The following TET1 variants were observed in gnomAD, a reference collection of about 807,000 sequenced individuals.
TET1 encodes the protein methylcytosine dioxygenase TET1.
TET1 carries 13 observed loss-of-function variants against 148.7 expected under a neutral mutation model. The ratio of observed to expected loss-of-function variants is 0.09; its 90% CI spans 0.06 to 0.14. TET1 has a LOEUF of 0.14. TET1 is among the 10% of genes least tolerant of loss of function. The probability of loss-of-function intolerance (pLI) is 1.00; values close to 1 mark genes in which losing one functional copy is unlikely to be tolerated. For missense variants in TET1, 2,182 were observed against 2,553.8 expected (o/e 0.85, Z 3.14); for synonymous variants, 907 against 937.2 (o/e 0.97, Z 0.59).
At chr10:68,571,973 C>T (rs938723169) in intron 1 of TET1, among the ~76,000 whole-genome samples, 36 of 151,978 alleles carry the variant, frequency 2.4e-4, no homozygotes, top group African/African-American at 8.2e-4. Context: ...AAAAATTAGC[C>T]AGGTGTGATG....
chr10:68,612,670 G>A (rs998862836), intron 3 of TET1, among the ~76,000 whole-genome samples: 3 of 152,162 alleles, frequency 2.0e-5, no homozygotes, highest in Admixed American at 6.5e-5. Flanking sequence ...CCAGGCCGTA[G>A]TGCAGTGGCA....
At chr10:68,578,320 G>A (rs1169331894) in intron 2 of TET1, among the ~76,000 whole-genome samples, 2 of 152,176 alleles carry the variant, frequency 1.3e-5, no homozygotes, top group African/African-American at 4.8e-5. Flanking sequence ...GTGCAGTGGC[G>A]TGATCTCAGC....
At chr10:68,609,880 G>A (rs943057531) in intron 3 of TET1, among the ~76,000 whole-genome samples, 2 of 152,000 alleles carry the variant, frequency 1.3e-5, no homozygotes, top group African/African-American at 4.8e-5. Context: ...GGGCACAGTG[G>A]CTCATACCTG....
At chr10:68,680,628 G>A (rs950433302) in intron 8 of TET1, among the ~76,000 whole-genome samples, 12 of 152,208 alleles carry the variant, frequency 7.9e-5, no homozygotes, top group Non-Finnish European at 1.6e-4. Context: ...GATTACAGGC[G>A]TTAGCCACCA....
intron 7 of TET1, among the ~76,000 whole-genome samples, chr10:68,668,107 A>G (rs1167999287): frequency 6.6e-6 from 1 of 152,224 alleles, no homozygotes; most frequent in East Asian, 1.9e-4. Flanking sequence ...CCTGTTAAAT[A>G]ACCTAGCCCA....
Position 68,651,913 on chromosome 10 carries a change from T to C in TET1, c.4344T>C (p.Ala1448=). 3 of 1,614,018 alleles carry C rather than the reference T, an allele frequency of 1.9e-6. No homozygotes were observed. The East Asian group carries it at 6.7e-5, about 36-fold the overall frequency. ...TTGGGGCAGGACCAAGTGTTGCTGC[T>C]GTCAGGGAAATCATGGAGAATAGGT... The part of the protein sequence containing the change: ...THLGAGPSVA[A]VREIMENRYG... Residue 1448 remains alanine (A), a synonymous_variant, in exon 5 of 12, where the codon GCT becomes GCC. Coordinates refer to ENST00000373644, the MANE Select transcript of TET1 (RefSeq NM_030625.3).
intron 3 of TET1, among the ~76,000 whole-genome samples, chr10:68,611,223 G>A (rs1473691405): frequency 7.9e-5 from 12 of 152,094 alleles, no homozygotes; most frequent in African/African-American, 2.7e-4. Flanking sequence ...CTCAGGAGGC[G>A]GAGGTTGCAG....
intron 2 of TET1, among the ~76,000 whole-genome samples, chr10:68,590,678 A>G (rs1184308498): frequency 6.6e-6 from 1 of 151,808 alleles, no homozygotes; most frequent in Non-Finnish European, 1.5e-5. Flanking sequence ...CATAAAAACA[A>G]TTGGAGGCTG....
At position 68,644,963 on chromosome 10, in the gene TET1, G is replaced by A. The variant is rs369109149; in HGVS notation, c.2234G>A (p.Arg745Gln). The A allele has an allele frequency of 1.4e-5, 22 of 1,613,216 alleles. No individual in the cohort carries two copies. The highest frequency in any genetic ancestry group is 1.1e-4 in the African/African-American group (8 of 74,858). The change falls in exon 4 of 12, where the codon CGA becomes CAA. Residue 745 changes from arginine to glutamine, a missense_variant. Arg to Gln is a conservative substitution (Grantham distance 43). Around this residue, in one of 11 missense-constraint regions of TET1, gnomAD observed 226 missense variants for 307.4 expected, o/e 0.74. Coordinates refer to ENST00000373644, the MANE Select transcript of TET1 (RefSeq NM_030625.3). ...AAAAACTCTGAAGTTGACAAGAAAC[G>A]AACCAAATCTCCAAAATTGTTTGTA... Reference protein sequence around the residue: ...KSKNSEVDKKRTKSPKLFVQT... With the variant: ...KSKNSEVDKKQTKSPKLFVQT...
At chr10:68,615,065 G>A (rs2132941333) in intron 3 of TET1, among the ~76,000 whole-genome samples, 2 of 151,660 alleles carry the variant, frequency 1.3e-5, no homozygotes, top group East Asian at 3.9e-4. Flanking sequence ...CTCCTGAATA[G>A]CTGGGATTAC....
intron 11 of TET1, among the ~76,000 whole-genome samples, chr10:68,689,903 T>G (rs1373930145): frequency 6.6e-6 from 1 of 152,176 alleles, no homozygotes; most frequent in Non-Finnish European, 1.5e-5. Flanking sequence ...AGTAATGATC[T>G]CCTTCCTTAA....
intron 1 of TET1, among the ~76,000 whole-genome samples, chr10:68,564,814 A>G (rs1402703943): frequency 2.0e-5 from 3 of 152,198 alleles, no homozygotes; most frequent in African/African-American, 7.2e-5. Flanking sequence ...GTTCAAGACC[A>G]GTCTGGGCAA....
intron 8 of TET1, among the ~76,000 whole-genome samples, chr10:68,679,220 C>T (rs2055404132): frequency 6.6e-6 from 1 of 152,056 alleles, no homozygotes. Flanking sequence ...ATAATACCAA[C>T]AGTGAACTGT....
At position 68,693,376 on chromosome 10, in the gene TET1, A is replaced by G. The variant is rs573946232; in HGVS notation, c.*1562A>G. ...ATGGTGCTTCTCCCTTGGAAATGCC[A>G]TAGGAAGCCCACAACCGCTAACACT... On this transcript the variant is annotated 3_prime_UTR_variant, in exon 12 of 12. Transcript: ENST00000373644. 4.3e-6 allele frequency: 1 copy of G among 233,350 alleles called. No individual in the cohort carries two copies. The highest frequency in any genetic ancestry group is 1.8e-4 in the South Asian group (1 of 5,518). The allele number at this position is 233,350 out of a possible 1,614,324, so 14.5% of individuals were successfully genotyped here.
chr10:68,691,119 G>C lies in TET1; in HGVS notation c.5716G>C (p.Glu1906Gln). Residue 1906 changes from glutamate to glutamine, a missense_variant, in exon 12 of 12, where the codon GAA (glutamate) becomes CAA (glutamine). Physicochemically the swap from Glu to Gln is conservative, Grantham distance 29. Coordinates refer to ENST00000373644, the MANE Select transcript of TET1 (RefSeq NM_030625.3). This position sits in a 1 kb window ranked among gnomAD's most constrained non-coding sequence, Gnocchi z 4.4. Reference protein sequence around the residue: ...ADGPGISQLGEVAPLPTLSAP... With the variant: ...ADGPGISQLGQVAPLPTLSAP... The stretch of plus-strand genomic sequence containing the variant: ...TGGCCCTGGCATTTCACAGCTTGGC[G>C]AAGTGGCTCCTCTCCCCACCCTGTC... 6.2e-7 allele frequency: 1 copy of C among 1,614,206 alleles called. No homozygotes were observed. Among genetic ancestry groups the C allele is most frequent in the East Asian group, 2.2e-5 (1 of 44,872 alleles).
At chr10:68,593,106 C>T (rs1323420156) in intron 2 of TET1, among the ~76,000 whole-genome samples, 1 of 151,978 alleles carries the variant, frequency 6.6e-6, no homozygotes, top group Non-Finnish European at 1.5e-5. Flanking sequence ...GTGGCATGCA[C>T]TTGTAGTCCT....
At chr10:68,624,938 G>T (rs1196663075) in intron 3 of TET1, among the ~76,000 whole-genome samples, 1 of 151,050 alleles carries the variant, frequency 6.6e-6, no homozygotes, top group Admixed American at 6.6e-5. Context: ...GTTTCACCGT[G>T]TTAGCCAGGG....
intron 6 of TET1, among the ~76,000 whole-genome samples, chr10:68,657,024 C>CAAAAAAA (rs35763138): frequency 8.4e-6 from 1 of 118,842 alleles, no homozygotes; most frequent in African/African-American, 3.0e-5. Flanking sequence ...AGTCTAGCTC[C>CAAAAAAA]AAAAAAAAAA....
intron 3 of TET1, among the ~76,000 whole-genome samples, chr10:68,624,678 C>A (rs148426925): frequency 9.9e-6 from 1 of 101,106 alleles, no homozygotes; most frequent in Non-Finnish European, 1.9e-5. Flanking sequence ...CTCTCTCTCT[C>A]TCTCTCTCTC....
Sources: allele counts gnomAD v4.1 joint callset (sites outside exome capture counted in the v4.1 genomes callset), GRCh38; gene constraint gnomAD v4.1.1; regional missense constraint gnomAD v4.1.1; non-coding constraint Gnocchi (gnomAD v3.1); transcripts MANE v1.5; gene names NCBI Gene and HGNC (gene_info 2026-07-23, HGNC 2026-07-21).